PRRX1: variants seen among roughly 807,000 people sequenced by gnomAD.
PRRX1 encodes paired mesoderm homeobox protein 1.
A neutral mutation model predicts 24.0 loss-of-function variants in PRRX1; 8 were observed. That is an observed-to-expected ratio of 0.33 (90% CI 0.20 to 0.60). The LOEUF is 0.60. Among genes scored for constraint, PRRX1 ranks in the 20% least tolerant of loss-of-function variants. The pLI is 0.82. For synonymous variants in PRRX1, 160 were observed against 131.7 expected (o/e 1.22, Z -1.47); for missense variants, 281 against 322.4 (o/e 0.87, Z 0.98).
chr1:170,725,211 T>C (rs1399206542), intron 2 of PRRX1, among the ~76,000 whole-genome samples: 1 of 152,176 alleles, frequency 6.6e-6, no homozygotes, highest in Non-Finnish European at 1.5e-5. Flanking sequence ...AGATACAGGA[T>C]CAGGTCATCT....
chr1:170,693,413 C>T lies in PRRX1; in HGVS notation c.242-26313C>T, dbSNP rs1467548295. Among the ~76,000 whole-genome samples, 3 of 152,106 alleles carry T rather than the reference C, an allele frequency of 2.0e-5. No individual in the cohort carries two copies. The South Asian group carries it at 6.2e-4, about 32-fold the overall frequency. On this transcript the variant is annotated intron_variant, in intron 1 of 3. Transcript: ENST00000239461. ...AATTCTAGTATGATGTAATTTCCTG[C>T]ACATACCAATCTCAGAGGCAGGCTC...
chr1:170,669,425 CAAAAAAAAAAAAAAAA>C (rs34640474), intron 1 of PRRX1: 2 of 22,298 alleles, frequency 9.0e-5, no homozygotes, highest in African/African-American at 5.5e-4. Context: ...CTCCCCACTG[CAAAAAAAAAAAAAAAA>C]AAAAAAAAAA....
intron 1 of PRRX1, among the ~76,000 whole-genome samples, chr1:170,670,623 G>T (rs942869259): frequency 2.0e-5 from 3 of 151,642 alleles, no homozygotes; most frequent in Non-Finnish European, 4.4e-5. Flanking sequence ...ACAATTATGG[G>T]GTATCGATTT....
intron 2 of PRRX1, among the ~76,000 whole-genome samples, chr1:170,720,880 A>G (rs1020435245): frequency 1.3e-5 from 2 of 152,236 alleles, no homozygotes; most frequent in Admixed American, 1.3e-4. Flanking sequence ...CGATTAACTC[A>G]TAACAATACG....
At position 170,736,330 on chromosome 1, in the gene PRRX1, C is replaced by A; in HGVS notation, c.*144C>A. 2 of 1,154,574 alleles carry A rather than the reference C, an allele frequency of 1.7e-6. No homozygotes were observed. The highest frequency in any genetic ancestry group is 2.5e-6 in the Non-Finnish European group (2 of 810,460). 71.5% of individuals were successfully genotyped at this position (1,154,574 alleles called of 1,614,324 possible). On this transcript the variant is annotated 3_prime_UTR_variant, in exon 4 of 4. Transcript: ENST00000239461. ...CAGAACTAAAATATTGGGACCATGG[C>A]AGAGAAAAGCAGGAGAGGAGCAAAA...
intron 1 of PRRX1, among the ~76,000 whole-genome samples, chr1:170,692,027 A>C (rs1653999932): frequency 1.3e-5 from 2 of 152,106 alleles, no homozygotes; most frequent in South Asian, 2.1e-4. Flanking sequence ...GTCCTTTAGG[A>C]AACTTAAGAG....
At chr1:170,705,019 C>A (rs144901995) in intron 1 of PRRX1, among the ~76,000 whole-genome samples, 1 of 152,278 alleles carries the variant, frequency 6.6e-6, no homozygotes, top group African/African-American at 2.4e-5. Flanking sequence ...TCCAAAGGCA[C>A]ACATGTTATT....
intron 1 of PRRX1, among the ~76,000 whole-genome samples, chr1:170,685,790 G>C (rs1045287258): frequency 2.6e-5 from 4 of 152,040 alleles, no homozygotes; most frequent in Non-Finnish European, 4.4e-5. Context: ...AAGCTGCTAG[G>C]GATTCAGAGG....
intron 1 of PRRX1, among the ~76,000 whole-genome samples, chr1:170,717,806 A>G (rs1439460423): frequency 1.3e-5 from 2 of 152,242 alleles, no homozygotes; most frequent in Admixed American, 6.5e-5. Flanking sequence ...AAGGTATTTA[A>G]TCCTAGGTGT....
At chr1:170,716,921 G>T (rs962552077) in intron 1 of PRRX1, among the ~76,000 whole-genome samples, 1 of 152,174 alleles carries the variant, frequency 6.6e-6, no homozygotes, top group African/African-American at 2.4e-5. Flanking sequence ...AAGATACTGT[G>T]CTGGGTCCTG....
chr1:170,682,261 C>A (rs990888883), intron 1 of PRRX1, among the ~76,000 whole-genome samples: 2 of 151,152 alleles, frequency 1.3e-5, no homozygotes, highest in Admixed American at 6.7e-5. Context: ...CTCCCCTGAC[C>A]TCTAAGGTCT....
At position 170,666,078 on chromosome 1, in the gene PRRX1, A is replaced by T. The variant is rs141194147; in HGVS notation, c.241+1619A>T. Among the ~76,000 whole-genome samples the T allele has an allele frequency of 7.5e-4, 115 of 152,344 alleles. 1 individual carries two copies. In the East Asian group the frequency reaches 7.9e-3, roughly 10 times the overall value. ...TAGTTCTAACAAAATGCACTGAGAA[A>T]TACTATGATTGTTTTTAAACGTTTT... is the stretch of plus-strand genomic sequence containing the variant. On this transcript the variant is annotated intron_variant, in intron 1 of 3. Transcript: ENST00000239461.
intron 1 of PRRX1, 83 bp from the exon 2 acceptor site, chr1:170,719,643 C>T: frequency 2.8e-6 from 4 of 1,424,054 alleles, no homozygotes; most frequent in Non-Finnish European, 2.9e-6. Context: ...AGCAAGATCT[C>T]ACTATAGATA....
intron 1 of PRRX1, among the ~76,000 whole-genome samples, chr1:170,703,597 T>G (rs753658699): frequency 1.1e-5 from 1 of 91,634 alleles, no homozygotes; most frequent in Non-Finnish European, 2.7e-5. Context: ...TATAATAGTG[T>G]TTTTTTTTTA....
intron 1 of PRRX1, among the ~76,000 whole-genome samples, chr1:170,689,076 C>T (rs568208929): frequency 6.6e-6 from 1 of 152,110 alleles, no homozygotes; most frequent in Admixed American, 6.6e-5. Flanking sequence ...TGTATTTAAT[C>T]TATCAGAATA....
chr1:170,704,574 G>C (rs951528312), intron 1 of PRRX1, among the ~76,000 whole-genome samples: 4 of 152,156 alleles, frequency 2.6e-5, no homozygotes, highest in African/African-American at 9.7e-5. Flanking sequence ...TGTTCTTAAA[G>C]GAACCTTGAG....
At chr1:170,687,658 C>A (rs1033718638) in intron 1 of PRRX1, among the ~76,000 whole-genome samples, 1 of 152,086 alleles carries the variant, frequency 6.6e-6, no homozygotes, top group African/African-American at 2.4e-5. Context: ...CATTGTGCCT[C>A]GTGTGTAGCA....
chr1:170,736,544 CTATATATATATA>C lies in PRRX1; in HGVS notation c.*374_*385del, dbSNP rs61148079. ...AAAAAAACTACAGCAGCCAAAGAAA[CTATATATATATA>C]TATATATATATATATCCAGAATGAT... is the stretch of plus-strand genomic sequence containing the variant. On this transcript the variant is annotated 3_prime_UTR_variant, in exon 4 of 4. Transcript: ENST00000239461. 7.9e-3 allele frequency: 1,761 copies of C among 223,944 alleles called. 2 individuals are homozygous for C. The highest frequency in any genetic ancestry group is 0.031 in the East Asian group (415 of 13,340). The allele number at this position is 223,944 out of a possible 1,614,324, so 13.9% of individuals were successfully genotyped here. A position where few individuals can be genotyped will look rare whatever the true frequency, so the allele number is the denominator to read the frequency against.
intron 1 of PRRX1, among the ~76,000 whole-genome samples, chr1:170,666,914 G>A (rs2101881305): frequency 6.6e-6 from 1 of 152,194 alleles, no homozygotes; most frequent in African/African-American, 2.4e-5. Context: ...CGCGGTGGCT[G>A]GGAGGCTGCC....
Sources: allele counts gnomAD v4.1 joint callset (sites outside exome capture counted in the v4.1 genomes callset), GRCh38; gene constraint gnomAD v4.1.1; transcripts MANE v1.5; gene names NCBI Gene and HGNC (gene_info 2026-07-23, HGNC 2026-07-21).